Variants in GNB5 observed in about 807,000 individuals in gnomAD.
GNB5 encodes G protein subunit beta 5, also known as guanine nucleotide-binding protein subunit beta-5.
GNB5 carries 37 observed loss-of-function variants against 55.3 expected under a neutral mutation model. The observed-to-expected ratio is 0.67, with a 90% CI of 0.51 to 0.88. GNB5 has a LOEUF of 0.88. Ranked by LOEUF, GNB5 falls within the 40% of genes least tolerant of loss-of-function variation. The pLI, the probability that GNB5 is intolerant of heterozygous loss-of-function variation, is 0.00. For missense variants in GNB5, 476 were observed against 515.3 expected (o/e 0.92, Z 0.74); for synonymous variants, 219 against 198.5 (o/e 1.10, Z -0.87).
At chr15:52,162,813 T>G (rs1488661877) in intron 3 of GNB5, 1 of 152,166 alleles carries the variant, frequency 6.6e-6, no homozygotes, top group East Asian at 1.9e-4. Flanking sequence ...GATTTCTTTG[T>G]TTCTTCTCCA....
intron 7 of GNB5, chr15:52,139,584 T>C (rs945864917): frequency 9.7e-5 from 23 of 236,770 alleles, no homozygotes; most frequent in African/African-American, 5.0e-4. Context: ...GATTTACTAC[T>C]TTACTATCCT....
rs1322832473 is a variant in GNB5, at chr15:52,168,891, T to C, written c.238+10877A>G. ...GGGAAAGGATTCCCTATTTAATAAA[T>C]AGTGTTAGGAGAACTGGCTAGCCAT... On this transcript the variant is annotated intron_variant, in intron 3 of 12. Coordinates refer to ENST00000261837, the MANE Select transcript of GNB5 (RefSeq NM_016194.4). 3.9e-5 allele frequency among the ~76,000 whole-genome samples: 6 copies of C among 152,154 alleles called. No homozygotes were observed. The East Asian group carries it at 9.6e-4, about 24-fold the overall frequency.
chr15:52,139,976 CAA>C lies in GNB5; in HGVS notation c.627+1162_627+1163del, dbSNP rs1204511832. The C allele has an allele frequency of 4.0e-6, 5 of 1,261,218 alleles. No individual in the cohort carries two copies. In the South Asian group the frequency reaches 6.3e-5, roughly 16 times the overall value. 78.1% of individuals were successfully genotyped at this position (1,261,218 alleles called of 1,614,324 possible). A position where few individuals can be genotyped will look rare whatever the true frequency, so the allele number is the denominator to read the frequency against. On this transcript the variant is annotated intron_variant, in intron 7 of 12. Transcript: ENST00000261837. ...CTGTTGCTTTGGTTTGCCTCAGGCCCAAAGACATCTCATTTTGGCCACTGCAC... is the reference window on the plus strand; with the variant it reads ...CTGTTGCTTTGGTTTGCCTCAGGCCCAGACATCTCATTTTGGCCACTGCAC...
chr15:52,120,636 G>T lies in GNB5; in HGVS notation c.*2121C>A, dbSNP rs1165195695. The T allele has an allele frequency of 7.2e-6, 1 of 139,802 alleles. No individual in the cohort carries two copies. Among genetic ancestry groups the T allele is most frequent in the East Asian group, 2.0e-4 (1 of 4,890 alleles). 8.7% of individuals were successfully genotyped at this position (139,802 alleles called of 1,614,324 possible). A position where few individuals can be genotyped will look rare whatever the true frequency, so the allele number is the denominator to read the frequency against. On this transcript the variant is annotated 3_prime_UTR_variant, in exon 13 of 13. Coordinates refer to ENST00000261837, the MANE Select transcript of GNB5 (RefSeq NM_016194.4). ...ACAGTGCAGAGACAAAAAAAAAAAT[G>T]GCTGTGGGAGAGAGGGTTGGGGATG... is the stretch of plus-strand genomic sequence containing the variant.
intron 8 of GNB5, 27 bp from the exon 9 acceptor site, chr15:52,133,496 T>C (rs1345985082): frequency 4.9e-6 from 7 of 1,438,174 alleles, no homozygotes; most frequent in Admixed American, 1.7e-5. Context: ...GCCAGAGTTA[T>C]GGCCACTTTA....
chr15:52,160,114 A>G (rs561928474), intron 3 of GNB5, among the ~76,000 whole-genome samples: 1 of 151,874 alleles, frequency 6.6e-6, no homozygotes, highest in Admixed American at 6.6e-5. Context: ...CACCTGGCTA[A>G]TTTTTGTATT....
intron 3 of GNB5, among the ~76,000 whole-genome samples, chr15:52,165,167 A>G (rs34861133): frequency 6.6e-6 from 1 of 152,340 alleles, no homozygotes; most frequent in East Asian, 1.9e-4. Context: ...TAGAGAAAAA[A>G]CAATGAAAAG....
chr15:52,142,605 G>A (rs1053067271), intron 6 of GNB5, among the ~76,000 whole-genome samples: 1 of 151,276 alleles, frequency 6.6e-6, no homozygotes, highest in African/African-American at 2.4e-5. Flanking sequence ...GTCCTTGAAC[G>A]TTCCTTTACT....
At position 52,124,529 on chromosome 15, in the gene GNB5, G is replaced by C. The variant is rs773902879; in HGVS notation, c.1120C>G (p.Arg374Gly). 3 of 1,613,748 alleles carry C rather than the reference G, an allele frequency of 1.9e-6. No individual in the cohort carries two copies. In the African/African-American group the frequency reaches 4.0e-5, roughly 22 times the overall value. ...AAAGCAGTCCCATCGGGGGAAACTC[G>C]TAGAGTGCTAACGCGGTTTTCATGT... is the stretch of plus-strand genomic sequence containing the variant. ...FGHENRVSTL[R>G]VSPDGTAFCS... Residue 374 changes from arginine to glycine, a missense_variant, in exon 12 of 13, where the codon CGA (arginine) becomes GGA (glycine). Coordinates refer to ENST00000261837, the MANE Select transcript of GNB5 (RefSeq NM_016194.4).
At chr15:52,136,956 C>G (rs1295494024) in intron 7 of GNB5, 1 of 453,136 alleles carries the variant, frequency 2.2e-6, no homozygotes, top group South Asian at 1.6e-5. Context: ...GGAGAAAAGA[C>G]TGTGAATCGA....
intron 4 of GNB5, among the ~76,000 whole-genome samples, chr15:52,151,095 G>T (rs555281027): frequency 3.9e-5 from 6 of 152,288 alleles, no homozygotes; most frequent in South Asian, 2.1e-4. Flanking sequence ...GTGGTTTGGG[G>T]GCCTTCTGAG....
chr15:52,124,312 C>T (rs2033361887), intron 12 of GNB5, among the ~76,000 whole-genome samples, 161 bp downstream of exon 12: 1 of 152,240 alleles, frequency 6.6e-6, no homozygotes, highest in Non-Finnish European at 1.5e-5. Context: ...CTCCAGGCAA[C>T]CCATTCCCTC....
At chr15:52,177,280 G>A (rs1464389020) in intron 3 of GNB5, among the ~76,000 whole-genome samples, 2 of 151,434 alleles carry the variant, frequency 1.3e-5, no homozygotes, top group Non-Finnish European at 1.5e-5. Flanking sequence ...TGATCCACCC[G>A]CCTTGGCCTC....
At chr15:52,146,379 T>A (rs2141206697) in intron 6 of GNB5, among the ~76,000 whole-genome samples, 1 of 152,262 alleles carries the variant, frequency 6.6e-6, no homozygotes, top group South Asian at 2.1e-4. Context: ...TTGTTAACCC[T>A]GTTAAACTGA....
chr15:52,165,146 G>A (rs1052860298), intron 3 of GNB5, among the ~76,000 whole-genome samples: 40 of 152,106 alleles, frequency 2.6e-4, no homozygotes, highest in Admixed American at 2.0e-4. Flanking sequence ...AATAAGGCAA[G>A]CAGACAAGAA....
Position 52,126,038 on chromosome 15 carries a change from G to T in GNB5, c.919C>A (p.Leu307Ile). ...TCCCTATCTGCCCGCAGGTCATAGA[G>T]GCGACACTGGGGAGCAAATAAATAA... ...ASGSDDATCR[L>I]YDLRADREVA... Residue 307 changes from leucine (L) to isoleucine (I), a missense_variant, in exon 11 of 13, where the codon CTC (leucine) becomes ATC (isoleucine). Coordinates refer to ENST00000261837, the MANE Select transcript of GNB5 (RefSeq NM_016194.4). 6.6e-7 allele frequency: 1 copy of T among 1,520,840 alleles called. No homozygotes were observed. Among genetic ancestry groups the T allele is most frequent in the Non-Finnish European group, 9.1e-7 (1 of 1,099,140 alleles). The allele number at this position is 1,520,840 out of a possible 1,614,324, so 94.2% of individuals were successfully genotyped here.
intron 2 of GNB5, among the ~76,000 whole-genome samples, chr15:52,182,385 T>C (rs1379431750): frequency 6.6e-6 from 1 of 152,220 alleles, no homozygotes; most frequent in Non-Finnish European, 1.5e-5. Context: ...AAGGTCCTCC[T>C]GGCTGTGAAG....
At chr15:52,163,150 G>A (rs1596091861) in intron 3 of GNB5, among the ~76,000 whole-genome samples, 1 of 152,220 alleles carries the variant, frequency 6.6e-6, no homozygotes, top group Non-Finnish European at 1.5e-5. Context: ...GGGAAACCAC[G>A]CTTTTCCCAC....
chr15:52,182,045 C>G (rs2034779713), intron 2 of GNB5, among the ~76,000 whole-genome samples: 1 of 152,300 alleles, frequency 6.6e-6, no homozygotes, highest in Non-Finnish European at 1.5e-5. Flanking sequence ...ATCTGACTGC[C>G]TGGGGGCAAA....
Sources: allele counts gnomAD v4.1 joint callset (sites outside exome capture counted in the v4.1 genomes callset), GRCh38; gene constraint gnomAD v4.1.1; transcripts MANE v1.5; gene names NCBI Gene and HGNC (gene_info 2026-07-23, HGNC 2026-07-21).